Variants in PPFIA4 observed in about 807,000 individuals in gnomAD.
PPFIA4 encodes the protein PPFI scaffold protein A4, also known as liprin-alpha-4.
A neutral mutation model predicts 145.7 loss-of-function variants in PPFIA4; 98 were observed. The ratio of observed to expected loss-of-function variants is 0.67; its 90% CI spans 0.57 to 0.80. PPFIA4 has a LOEUF of 0.80. Ranked by LOEUF, PPFIA4 falls within the 30% of genes least tolerant of loss-of-function variation. The pLI, the probability that PPFIA4 is intolerant of heterozygous loss-of-function variation, is 0.00. For synonymous variants in PPFIA4, 628 were observed against 649.6 expected, an observed-to-expected ratio of 0.97 and a Z score of 0.51; for missense variants, 1,457 against 1,632.7, an observed-to-expected ratio of 0.89 and a Z score of 1.85.
chr1:203,030,086 A>C (rs562605706), intron 1 of PPFIA4, among the ~76,000 whole-genome samples: 5 of 152,320 alleles, frequency 3.3e-5, no homozygotes, highest in African/African-American at 1.2e-4. Flanking sequence ...CATTTCAAAG[A>C]GAGATGGGTT....
chr1:203,037,777 G>T lies in PPFIA4; in HGVS notation c.-399-833G>T, dbSNP rs17461458. ...GCCAAGAGAGCAGATTCTCAGCCAT[G>T]ATAGGGGCCACACTGTAGCCCCACC... On this transcript the variant is annotated intron_variant, in intron 1 of 29. Transcript: ENST00000295706. Among the ~76,000 whole-genome samples, 541 of 152,284 alleles carry T rather than the reference G, an allele frequency of 3.6e-3. 5 individuals carry two copies. The highest frequency in any genetic ancestry group is 5.0e-3 in the Non-Finnish European group (341 of 68,022).
In PPFIA4 at chr1:203,077,891, T is replaced by C. The variant is rs1336869831; in HGVS notation, c.*1501T>C. The C allele has an allele frequency of 4.6e-5, 7 of 152,276 alleles. No individual in the cohort carries two copies. Among genetic ancestry groups the C allele is most frequent in the Non-Finnish European group, 1.0e-4 (7 of 68,078 alleles). 9.4% of individuals were successfully genotyped at this position (152,276 alleles called of 1,614,324 possible). On this transcript the variant is annotated 3_prime_UTR_variant, in exon 30 of 30. Coordinates refer to ENST00000295706, the MANE Select transcript of PPFIA4 (RefSeq NM_001304331.2). ...AAGCATCTGGCATGTGTTTCTTGGATAGGGGCCAGTGCAGTGCCATCCTAC... is the reference window on the plus strand; with the variant it reads ...AAGCATCTGGCATGTGTTTCTTGGACAGGGGCCAGTGCAGTGCCATCCTAC...
At chr1:203,044,153 T>C in intron 4 of PPFIA4, 58 bp downstream of exon 4, 2 of 1,497,362 alleles carry the variant, frequency 1.3e-6, no homozygotes, top group Non-Finnish European at 8.9e-7. Flanking sequence ...GCCTCCCATG[T>C]ATCCCTTCTC....
Position 203,075,603 on chromosome 1 carries a change from G to T in PPFIA4, c.3420G>T (p.Ala1140=). Residue 1140 remains alanine (A), a synonymous_variant, in exon 29 of 30, where the codon GCG becomes GCT. Coordinates refer to ENST00000295706, the MANE Select transcript of PPFIA4 (RefSeq NM_001304331.2). The surrounding 1 kb of genome is among the most constrained non-coding windows in gnomAD (Gnocchi z 4.1). The part of the protein sequence containing the change: ...DDGDDKVFRR[A]PSWRKRFRPR... ...GGGATGACAAGGTGTTTCGCCGCGCGCCCTCCTGGAGGAAGCGCTTCCGGC... is the reference window on the plus strand; with the variant it reads ...GGGATGACAAGGTGTTTCGCCGCGCTCCCTCCTGGAGGAAGCGCTTCCGGC... The T allele has an allele frequency of 6.8e-7, 1 of 1,464,272 alleles. No homozygotes were observed. The allele number at this position is 1,464,272 out of a possible 1,614,324, so 90.7% of individuals were successfully genotyped here.
intron 14 of PPFIA4, 39 bp downstream of exon 14, chr1:203,051,916 C>G: frequency 1.3e-6 from 2 of 1,596,924 alleles, no homozygotes; most frequent in African/African-American, 2.7e-5. Context: ...AGTTTGGGGT[C>G]AATTCGGCCG....
At chr1:203,057,390 C>T (rs1448189368) in intron 19 of PPFIA4, among the ~76,000 whole-genome samples, 1 of 152,188 alleles carries the variant, frequency 6.6e-6, no homozygotes, top group Non-Finnish European at 1.5e-5. Context: ...TGTGATAACA[C>T]CTAATTATAG....
chr1:203,050,047 G>C (rs1660393158), intron 13 of PPFIA4, among the ~76,000 whole-genome samples: 1 of 152,188 alleles, frequency 6.6e-6, no homozygotes, highest in Admixed American at 6.5e-5. Flanking sequence ...CTGCTTCCTT[G>C]ACAGAGGGCA....
Position 203,068,137 on chromosome 1 carries a change from G to A in PPFIA4, c.3149-316G>A, listed in dbSNP as rs771413504. ...AGTCTTAGAGGAGACCTTGAAGGTG[G>A]AAAGAATAAGAAGGCCATTCCAGCT... On this transcript the variant is annotated intron_variant, in intron 26 of 29. Transcript: ENST00000295706. This position sits in a 1 kb window ranked among gnomAD's most constrained non-coding sequence, Gnocchi z 4.7. Among the ~76,000 whole-genome samples the A allele has an allele frequency of 1.2e-4, 19 of 152,200 alleles. No individual in the cohort carries two copies. The highest frequency in any genetic ancestry group is 2.5e-4 in the Non-Finnish European group (17 of 68,040).
At chr1:203,049,855 A>G (rs894010798) in intron 13 of PPFIA4, 88 bp downstream of exon 13, 276 of 1,181,390 alleles carry the variant, frequency 2.3e-4, no homozygotes, top group Non-Finnish European at 3.1e-4. Context: ...AAGACTGCCC[A>G]GGACCTCAGG....
chr1:203,037,503 CCT>C (rs1273399460), intron 1 of PPFIA4, among the ~76,000 whole-genome samples: 2 of 152,212 alleles, frequency 1.3e-5, no homozygotes, highest in Non-Finnish European at 2.9e-5. Context: ...TGAAGACAGT[CCT>C]CTCTGAAAAA....
At position 203,048,384 on chromosome 1, in the gene PPFIA4, G is replaced by C. The variant is rs1159119772; in HGVS notation, c.1224+74G>C. 2 of 1,547,054 alleles carry C rather than the reference G, an allele frequency of 1.3e-6. No homozygotes were observed. Among genetic ancestry groups the C allele is most frequent in the Admixed American group, 3.7e-5 (2 of 53,858 alleles). On this transcript the variant is annotated intron_variant, in intron 10 of 29. Transcript: ENST00000295706. The surrounding 1 kb of genome is among the most constrained non-coding windows in gnomAD (Gnocchi z 5.8). Reference sequence around the variant, plus strand: ...GGCTCCCAGGGCGGTCTGTGGAAGGGGCACGGAGGAAGGGCCTGGCCAGGG... The same window carrying C: ...GGCTCCCAGGGCGGTCTGTGGAAGGCGCACGGAGGAAGGGCCTGGCCAGGG...
At position 203,061,514 on chromosome 1, in the gene PPFIA4, C is replaced by T. The variant is rs10494840; in HGVS notation, c.2848-138C>T. On this transcript the variant is annotated intron_variant, in intron 23 of 29. Transcript: ENST00000295706. ...CACCAACCTTGTGTTCTCTCTTAAC[C>T]ATCCTGACGAGCTTTCCCCAGTCAC... 8,134 of 848,078 alleles carry T rather than the reference C, an allele frequency of 9.6e-3. 501 individuals carry two copies. In the African/African-American group the frequency reaches 0.13, roughly 13 times the overall value. The allele number at this position is 848,078 out of a possible 1,614,324, so 52.5% of individuals were successfully genotyped here.
In PPFIA4 at chr1:203,053,831, G is replaced by A. The variant is rs1338604577; in HGVS notation, c.1699G>A (p.Asp567Asn). ...CTTTGACAGTGACCCTGAGATCTCCGACGTGGATGAGGATGAGCCAGGGGG... is the reference window on the plus strand; with the variant it reads ...CTTTGACAGTGACCCTGAGATCTCCAACGTGGATGAGGATGAGCCAGGGGG... ...PAFDSDPEIS[D>N]VDEDEPGGLV... Residue 567 changes from aspartate to asparagine, a missense_variant, in exon 15 of 30, where the codon GAC becomes AAC. By Grantham distance (23) the Asp-to-Asn change is conservative. This residue lies in a region of PPFIA4 where 848 missense variants were observed against 1,046.7 expected (regional missense o/e 0.81). Transcript: ENST00000295706. The A allele has an allele frequency of 3.2e-6, 5 of 1,553,814 alleles. No homozygotes were observed. Among genetic ancestry groups the A allele is most frequent in the East Asian group, 2.4e-5 (1 of 41,108 alleles).
At chr1:203,040,781 G>C (rs61151040) in intron 2 of PPFIA4, among the ~76,000 whole-genome samples, 34,775 of 152,122 alleles carry the variant, frequency 0.23, 4,460 homozygotes, top group East Asian at 0.47. Context: ...CTGTCTTACA[G>C]ATCAGAGAAT....
chr1:203,046,460 C>G, intron 9 of PPFIA4, 78 bp downstream of exon 9: 2 of 1,474,442 alleles, frequency 1.4e-6, no homozygotes, highest in South Asian at 1.4e-5. Flanking sequence ...GGGAAGGGAG[C>G]GCGTGGGAGG....
rs1456522823 is a variant in PPFIA4 at position 203,048,534 on chromosome 1, G to A, written c.1225-49G>A. 1 of 1,553,728 alleles carries A rather than the reference G, an allele frequency of 6.4e-7. No individual in the cohort carries two copies. The highest frequency in any genetic ancestry group is 1.2e-5 in the South Asian group (1 of 84,280). On this transcript the variant is annotated intron_variant, in intron 10 of 29. Coordinates refer to ENST00000295706, the MANE Select transcript of PPFIA4 (RefSeq NM_001304331.2). The surrounding 1 kb of genome is among the most constrained non-coding windows in gnomAD (Gnocchi z 5.8). ...GGGAGTCAAACCCCAGCAGGAGAGG[G>A]TGGTCCTCCCTGGGAGGGCGGCCTG...
Position 203,060,429 on chromosome 1 carries a change from C to T in PPFIA4, c.2784+12C>T. 6.2e-7 allele frequency: 1 copy of T among 1,611,228 alleles called. No individual in the cohort carries two copies. Among genetic ancestry groups the T allele is most frequent in the Non-Finnish European group, 8.5e-7 (1 of 1,179,568 alleles). ...CCACCTCCAGGACTGTGAGTGGCCC[C>T]TCCTTTGCCCAGGACATTTTCAGAG... On this transcript the variant is annotated intron_variant, in intron 22 of 29. Coordinates refer to ENST00000295706, the MANE Select transcript of PPFIA4 (RefSeq NM_001304331.2). The surrounding 1 kb of genome is among the most constrained non-coding windows in gnomAD (Gnocchi z 4.8).
At chr1:203,039,410 A>G (rs924828535) in intron 2 of PPFIA4, among the ~76,000 whole-genome samples, 168 bp downstream of exon 2, 3 of 152,284 alleles carry the variant, frequency 2.0e-5, no homozygotes, top group African/African-American at 4.8e-5. Flanking sequence ...TGTCACTCCC[A>G]TGCTCCTCAG....
intron 25 of PPFIA4, 118 bp from the exon 26 acceptor site, chr1:203,067,577 T>G (rs1571734177): frequency 1.2e-6 from 1 of 801,170 alleles, no homozygotes; most frequent in African/African-American, 1.7e-5. Flanking sequence ...GAGGCTGGGG[T>G]GCTCTTTGTG....
Sources: gnomAD v4.1 joint callset for allele counts (sites outside exome capture counted in the v4.1 genomes callset) on GRCh38, gnomAD v4.1.1 for gene constraint, gnomAD v4.1.1 regional missense constraint, Gnocchi (gnomAD v3.1) non-coding constraint, MANE v1.5 for transcripts, NCBI Gene and HGNC (gene_info 2026-07-23, HGNC 2026-07-21) for gene names.